The following FAT1 variants were observed in gnomAD, a reference collection of about 807,000 sequenced individuals.
FAT1 encodes protocadherin Fat 1.
In FAT1, 171 loss-of-function variants were observed where a neutral mutation model predicts 329.8. That is an observed-to-expected ratio of 0.52 (90% CI 0.46 to 0.59). FAT1 has a LOEUF of 0.59. Ranked by LOEUF, FAT1 falls within the 20% of genes least tolerant of loss-of-function variation. The pLI, the probability that FAT1 is intolerant of heterozygous loss-of-function variation, is 0.00. For synonymous variants in FAT1, 2,233 were observed against 2,228.6 expected (o/e 1.00, Z -0.06); for missense variants, 5,672 against 5,774.4 (o/e 0.98, Z 0.57).
At chr4:186,602,769 A>G in intron 20 of FAT1, 134 bp downstream of exon 20, 1 of 1,001,140 alleles carries the variant, frequency 1.0e-6, no homozygotes. Context: ...GTCATTCTTT[A>G]TTCATCTCCA....
At chr4:186,694,137 C>T (rs1743919246) in intron 2 of FAT1, among the ~76,000 whole-genome samples, 1 of 152,114 alleles carries the variant, frequency 6.6e-6, no homozygotes, top group African/African-American at 2.4e-5. Context: ...CTCAACCTGC[C>T]TCTCATCTAC....
intron 2 of FAT1, among the ~76,000 whole-genome samples, chr4:186,695,861 G>A (rs1398104553): frequency 6.6e-6 from 1 of 150,828 alleles, no homozygotes; most frequent in Non-Finnish European, 1.5e-5. Flanking sequence ...GCACAATCTC[G>A]ACTCACTGCA....
intron 13 of FAT1, 106 bp from the exon 14 acceptor site, chr4:186,611,881 T>C: frequency 1.2e-6 from 1 of 832,602 alleles, no homozygotes; most frequent in South Asian, 1.9e-5. Context: ...TGGAGTGCAG[T>C]GGCGTGATCT....
At position 186,621,760 on chromosome 4, in the gene FAT1, G is replaced by T. The variant is rs781727602; in HGVS notation, c.4826C>A (p.Ser1609Tyr). Residue 1609 changes from serine to tyrosine, a missense_variant, in exon 10 of 27, where the codon TCT becomes TAT. Physicochemically the swap from Ser to Tyr is moderately radical, Grantham distance 144 (BLOSUM62 -2). This residue lies in a region of FAT1 where 3,966 missense variants were observed against 3,915.2 expected (regional missense o/e 1.01). Coordinates refer to ENST00000441802, the MANE Select transcript of FAT1 (RefSeq NM_005245.4). ...GCCCAAGACAGGATCAATCATAAAA[G>T]AATTTCCAATATTTCCTGGAAGGAG... ...YSIESGNIGN[S>Y]FMIDPVLGSI... 1.3e-6 allele frequency: 2 copies of T among 1,566,684 alleles called. No homozygotes were observed. The highest frequency in any genetic ancestry group is 2.0e-5 in the Admixed American group (1 of 50,620).
At chr4:186,594,223 G>A (rs1252292381) in intron 26 of FAT1, among the ~76,000 whole-genome samples, 6 of 151,928 alleles carry the variant, frequency 3.9e-5, no homozygotes, top group South Asian at 2.1e-4. Flanking sequence ...CCACCACCAC[G>A]CCCGGCTGAT....
intron 9 of FAT1, among the ~76,000 whole-genome samples, chr4:186,622,082 G>A (rs1441368056): frequency 1.3e-5 from 2 of 152,216 alleles, no homozygotes; most frequent in Non-Finnish European, 2.9e-5. Flanking sequence ...GGAAAGACAA[G>A]GCTATCCTTC....
chr4:186,685,346 A>C (rs1294688060), intron 2 of FAT1, among the ~76,000 whole-genome samples: 1 of 152,242 alleles, frequency 6.6e-6, no homozygotes, highest in African/African-American at 2.4e-5. Flanking sequence ...CACCACAATA[A>C]GAGCAACTTA....
Position 186,588,463 on chromosome 4 carries a change from G to T in FAT1, c.*129C>A. ...AATGGCTAGCACGTCCAGAGGCGCAGGATCCAGCGCAGCCATGCCCATTCG... is the reference window on the plus strand; with the variant it reads ...AATGGCTAGCACGTCCAGAGGCGCATGATCCAGCGCAGCCATGCCCATTCG... On this transcript the variant is annotated 3_prime_UTR_variant, in exon 27 of 27. Coordinates refer to ENST00000441802, the MANE Select transcript of FAT1 (RefSeq NM_005245.4). The T allele has an allele frequency of 1.8e-6, 2 of 1,121,526 alleles. No homozygotes were observed. Among genetic ancestry groups the T allele is most frequent in the Admixed American group, 2.9e-5 (1 of 34,880 alleles). 69.5% of individuals were successfully genotyped at this position (1,121,526 alleles called of 1,614,324 possible).
At chr4:186,667,553 A>T (rs1012338213) in intron 2 of FAT1, among the ~76,000 whole-genome samples, 8 of 152,176 alleles carry the variant, frequency 5.3e-5, no homozygotes, top group Admixed American at 1.3e-4. Flanking sequence ...CCTCTTTGTA[A>T]GATAAAAAAT....
At chr4:186,692,571 C>G (rs1184398023) in intron 2 of FAT1, among the ~76,000 whole-genome samples, 2 of 152,158 alleles carry the variant, frequency 1.3e-5, no homozygotes, top group African/African-American at 4.8e-5. Flanking sequence ...CTCGGCCTCC[C>G]AAAGTGCTGG....
chr4:186,710,011 T>C (rs1360765886), intron 1 of FAT1, among the ~76,000 whole-genome samples, 166 bp from the exon 2 acceptor site: 1 of 152,230 alleles, frequency 6.6e-6, no homozygotes, highest in African/African-American at 2.4e-5. Context: ...AGTATCAACA[T>C]TCTTGTAACA....
intron 3 of FAT1, among the ~76,000 whole-genome samples, chr4:186,656,281 C>T (rs1251059473): frequency 6.6e-6 from 1 of 152,164 alleles, no homozygotes; most frequent in Non-Finnish European, 1.5e-5. Flanking sequence ...ATGAAAAGCA[C>T]GGTCCTGCAC....
intron 3 of FAT1, among the ~76,000 whole-genome samples, chr4:186,661,259 T>A (rs897037670): frequency 6.6e-6 from 1 of 152,174 alleles, no homozygotes; most frequent in Admixed American, 6.5e-5. Flanking sequence ...CACCTGCCAC[T>A]CTCCTTTCAC....
chr4:186,702,978 G>A, intron 2 of FAT1, among the ~76,000 whole-genome samples: 1 of 152,186 alleles, frequency 6.6e-6, no homozygotes, highest in Non-Finnish European at 1.5e-5. Context: ...AATCTGAGGA[G>A]GAGAATCTTA....
At chr4:186,664,565 G>A (rs1742340974) in intron 2 of FAT1, among the ~76,000 whole-genome samples, 1 of 152,192 alleles carries the variant, frequency 6.6e-6, no homozygotes, top group South Asian at 2.1e-4. Flanking sequence ...AAGAGGGTTA[G>A]AGTATCTGTA....
rs1553993889 is a variant in FAT1, at chr4:186,651,025, A to AAATAATTTATTTACTATT, written c.3581-11243_3581-11242insAATAGTAAATAAATTATT. 6.6e-5 allele frequency among the ~76,000 whole-genome samples: 3 copies of AAATAATTTATTTACTATT among 45,524 alleles called. No homozygotes were observed. The South Asian group carries it at 2.5e-3, about 37-fold the overall frequency. 29.9% of individuals were successfully genotyped at this position (45,524 alleles called of 152,430 possible). ...TGATTTTTACAATGAAGTATTAAAT[A>AAATAATTTATTTACTATT]ATTAAATAATTTATTTACTATTATT... On this transcript the variant is annotated intron_variant, in intron 3 of 26. Coordinates refer to ENST00000441802, the MANE Select transcript of FAT1 (RefSeq NM_005245.4).
At chr4:186,690,647 G>A (rs947702885) in intron 2 of FAT1, among the ~76,000 whole-genome samples, 1 of 151,854 alleles carries the variant, frequency 6.6e-6, no homozygotes, top group South Asian at 2.1e-4. Flanking sequence ...CAGAGATCAC[G>A]CTACTGCACT....
chr4:186,677,393 A>G (rs1743008145), intron 2 of FAT1, among the ~76,000 whole-genome samples: 1 of 152,194 alleles, frequency 6.6e-6, no homozygotes, highest in African/African-American at 2.4e-5. Context: ...AATGCACTGC[A>G]AGATTTGATG....
chr4:186,672,509 A>G (rs2126633861), intron 2 of FAT1, among the ~76,000 whole-genome samples: 1 of 152,308 alleles, frequency 6.6e-6, no homozygotes, highest in South Asian at 2.1e-4. Context: ...ATTTTGTGAG[A>G]AGCCATTTGT....
Sources: allele counts gnomAD v4.1 joint callset (sites outside exome capture counted in the v4.1 genomes callset), GRCh38; gene constraint gnomAD v4.1.1; regional missense constraint gnomAD v4.1.1; transcripts MANE v1.5; gene names NCBI Gene and HGNC (gene_info 2026-07-23, HGNC 2026-07-21).